The following ANKRD28 variants were observed in gnomAD, a reference collection of about 807,000 sequenced individuals.
ANKRD28 encodes the protein ankyrin repeat domain 28.
Under a neutral mutation model 126.5 loss-of-function variants are expected in ANKRD28, and 44 were observed. The observed-to-expected ratio is 0.35, with a 90% CI of 0.27 to 0.45. The LOEUF (loss-of-function observed/expected upper bound fraction) is 0.45. ANKRD28 is among the 20% of genes least tolerant of loss of function. The pLI is 1.00. For missense variants in ANKRD28, 1,110 were observed against 1,316.6 expected (o/e 0.84, Z 2.43); for synonymous variants, 442 against 468.5 (o/e 0.94, Z 0.73).
At chr3:15,727,484 T>C (rs542767890) in intron 6 of ANKRD28, among the ~76,000 whole-genome samples, 1 of 143,478 alleles carries the variant, frequency 7.0e-6, no homozygotes, top group African/African-American at 2.6e-5. Flanking sequence ...GGAGAATCAC[T>C]TGAACACAGG....
chr3:15,799,977 AGGTG>A (rs1456039619), upstream of ANKRD28, among the ~76,000 whole-genome samples: 2 of 152,130 alleles, frequency 1.3e-5, no homozygotes, highest in African/African-American at 4.8e-5. Flanking sequence ...CAGAAAATAT[AGGTG>A]GCATTAAGGT....
chr3:15,740,654 T>A (rs936592425), intron 4 of ANKRD28, among the ~76,000 whole-genome samples: 101 of 152,328 alleles, frequency 6.6e-4, no homozygotes, highest in African/African-American at 2.4e-3. Context: ...CACTCCCATT[T>A]TGGAATTCAT....
intron 6 of ANKRD28, among the ~76,000 whole-genome samples, chr3:15,734,183 G>A (rs1442861617): frequency 2.6e-5 from 4 of 152,216 alleles, no homozygotes; most frequent in Non-Finnish European, 2.9e-5. Flanking sequence ...CCATATGCAA[G>A]GATTTGGGTA....
At chr3:15,746,970 C>T (rs943742432) in intron 4 of ANKRD28, among the ~76,000 whole-genome samples, 2 of 152,092 alleles carry the variant, frequency 1.3e-5, no homozygotes, top group African/African-American at 4.8e-5. Context: ...TCTAGGTTTT[C>T]TAGTTTATGT....
In ANKRD28 at chr3:15,679,545, T is replaced by A; in HGVS notation, c.2408A>T (p.Glu803Val). 6.2e-7 allele frequency: 1 copy of A among 1,612,384 alleles called. No homozygotes were observed. Among genetic ancestry groups the A allele is most frequent in the South Asian group, 1.1e-5 (1 of 90,928 alleles). ...GAAAACTTCCTGTTCTAAAAGCAGT[T>A]CTACACATGTCTCGTGACCTAAATA... ...ACYNGHETCV[E>V]LLLEQEVFQK... is the part of the protein sequence containing the mutation. The change falls in exon 22 of 28, where the codon GAA (glutamate) becomes GTA (valine). Residue 803 changes from glutamate (E) to valine (V), a missense_variant. By Grantham distance (121) the Glu-to-Val change is moderately radical (BLOSUM62 -2). Transcript: ENST00000683139.
At chr3:15,724,329 TAGTA>T in intron 7 of ANKRD28, 49 bp downstream of exon 7, 1 of 1,407,436 alleles carries the variant, frequency 7.1e-7, no homozygotes, top group South Asian at 1.4e-5. Context: ...AATAATGTAA[TAGTA>T]AGTATAAAAG....
chr3:15,722,047 G>A (rs545015153), intron 7 of ANKRD28, among the ~76,000 whole-genome samples: 3 of 152,170 alleles, frequency 2.0e-5, no homozygotes, highest in South Asian at 4.1e-4. Context: ...GCCCAGCCTT[G>A]TTTTTCTATT....
Position 15,830,206 on chromosome 3 carries a change from G to A in ANKRD28, c.27+29171C>T, listed in dbSNP as rs1402594070. On this transcript the variant is annotated intron_variant, in intron 1 of 27. Coordinates refer to the ANKRD28 transcript ENST00000399451. This position sits in a 1 kb window ranked among gnomAD's most constrained non-coding sequence, Gnocchi z 4.5. Reference sequence around the variant, plus strand: ...CTTTTGTACCATTAATGCGAATGTCGAAGTAAAAAACGCATATAACATTTT... The same window carrying A: ...CTTTTGTACCATTAATGCGAATGTCAAAGTAAAAAACGCATATAACATTTT... Among the ~76,000 whole-genome samples the A allele has an allele frequency of 6.6e-6, 1 of 152,108 alleles. No homozygotes were observed. The highest frequency in any genetic ancestry group is 6.5e-5 in the Admixed American group (1 of 15,272).
intron 2 of ANKRD28, among the ~76,000 whole-genome samples, chr3:15,767,386 T>TA (rs1392542975): frequency 6.6e-6 from 1 of 152,184 alleles, no homozygotes; most frequent in Non-Finnish European, 1.5e-5. Context: ...GACAGATAGT[T>TA]AGTTGTTTTC....
chr3:15,785,644 C>A (rs1329972625), intron 2 of ANKRD28, among the ~76,000 whole-genome samples: 1 of 152,040 alleles, frequency 6.6e-6, no homozygotes, highest in Non-Finnish European at 1.5e-5. Context: ...GCCACTTTGA[C>A]AGGTTTTTTA....
rs1055707538 is a variant in ANKRD28 at position 15,813,838 on chromosome 3, G to A, written c.28-18532C>T. ...AGTGTGCAGCACAATCATTTAACAT[G>A]TAAGAGAATGAGCTATGAGCAAAAG... On this transcript the variant is annotated intron_variant, in intron 1 of 27. Transcript: ENST00000399451. Among the ~76,000 whole-genome samples the A allele has an allele frequency of 2.0e-5, 3 of 152,168 alleles. No homozygotes were observed. In the East Asian group the frequency reaches 5.8e-4, roughly 29 times the overall value.
intron 2 of ANKRD28, among the ~76,000 whole-genome samples, chr3:15,785,583 AAAC>A (rs2059740174): frequency 6.6e-6 from 1 of 152,110 alleles, no homozygotes; most frequent in South Asian, 2.1e-4. Flanking sequence ...CAAGGATATG[AAAC>A]AATAGAGACT....
rs370032840 is a variant in ANKRD28 at position 15,685,381 on chromosome 3, C to T, written c.2234G>A (p.Arg745Gln). ...TATAGGCGTCCGGCCCCTGCTATCCCGAAGTAAGCACTTAGCACCATGTTG... is the reference window on the plus strand; with the variant it reads ...TATAGGCGTCCGGCCCCTGCTATCCTGAAGTAAGCACTTAGCACCATGTTG... Reference protein sequence around the residue: ...LLQHGAKCLLRDSRGRTPIHL... With the variant: ...LLQHGAKCLLQDSRGRTPIHL... Residue 745 changes from arginine to glutamine, a missense_variant, in exon 21 of 28, where the codon CGG (arginine) becomes CAG (glutamine). Transcript: ENST00000683139. The T allele has an allele frequency of 1.5e-4, 244 of 1,613,842 alleles. No homozygotes were observed. Among genetic ancestry groups the T allele is most frequent in the Non-Finnish European group, 1.9e-4 (224 of 1,179,868 alleles).
intron 2 of ANKRD28, among the ~76,000 whole-genome samples, chr3:15,792,220 T>A (rs1273181002): frequency 6.6e-6 from 1 of 152,182 alleles, no homozygotes; most frequent in Non-Finnish European, 1.5e-5. Flanking sequence ...CACTGCTGGG[T>A]ATATATCCAA....
chr3:15,770,651 G>A (rs899876031), intron 2 of ANKRD28, among the ~76,000 whole-genome samples: 2 of 152,100 alleles, frequency 1.3e-5, no homozygotes, highest in African/African-American at 4.8e-5. Context: ...TGTCTTCACA[G>A]AACACTTTTT....
rs182554314 is a variant in ANKRD28 at position 15,709,598 on chromosome 3, A to C, written c.1406+70T>G. On this transcript the variant is annotated intron_variant, in intron 13 of 27. Coordinates refer to ENST00000683139, the MANE Select transcript of ANKRD28 (RefSeq NM_001349278.2). ...CTAAATTGTTCAGTTAATTTTCAGA[A>C]GCCAGTTAGAAGGTCAATCAAGTTA... The C allele has an allele frequency of 1.5e-5, 16 of 1,057,806 alleles. No homozygotes were observed. In the East Asian group the frequency reaches 3.9e-4, roughly 26 times the overall value. 65.5% of individuals were successfully genotyped at this position (1,057,806 alleles called of 1,614,324 possible). A position where few individuals can be genotyped will look rare whatever the true frequency, so the allele number is the denominator to read the frequency against.
rs1309213599 is a variant in ANKRD28 at position 15,843,597 on chromosome 3, AAGAG to A, written c.27+15776_27+15779del. On this transcript the variant is annotated intron_variant, in intron 1 of 27. Coordinates refer to the ANKRD28 transcript ENST00000399451. This position sits in a 1 kb window ranked among gnomAD's most constrained non-coding sequence, Gnocchi z 5.2. ...TTTGAGCCAAAAATAAGGGAAAAAA[AAGAG>A]AGAGAGGCAGAAATTAAAGTGTAGA... is the stretch of plus-strand genomic sequence containing the variant. 4.6e-5 allele frequency among the ~76,000 whole-genome samples: 7 copies of A among 152,314 alleles called. No homozygotes were observed. The highest frequency in any genetic ancestry group is 8.8e-5 in the Non-Finnish European group (6 of 68,024).
intron 3 of ANKRD28, among the ~76,000 whole-genome samples, chr3:15,760,401 G>A (rs1389168056): frequency 6.6e-6 from 1 of 152,126 alleles, no homozygotes; most frequent in Non-Finnish European, 1.5e-5. Context: ...CTTAAAATTT[G>A]GTTTGAGAGT....
intron 14 of ANKRD28, among the ~76,000 whole-genome samples, chr3:15,701,434 C>T (rs1385987084): frequency 5.3e-5 from 8 of 152,074 alleles, no homozygotes; most frequent in South Asian, 2.1e-4. Context: ...CACCTGAGGT[C>T]GGGAGTTCAA....
Sources: allele counts gnomAD v4.1 joint callset (sites outside exome capture counted in the v4.1 genomes callset), GRCh38; gene constraint gnomAD v4.1.1; non-coding constraint Gnocchi (gnomAD v3.1); transcripts MANE v1.5; gene names NCBI Gene and HGNC (gene_info 2026-07-23, HGNC 2026-07-21).